RPSA: variants seen among roughly 807,000 people sequenced by gnomAD.
RPSA encodes the protein ribosomal protein SA.
For synonymous variants in RPSA, 103 were observed against 126.7 expected (o/e 0.81, Z 1.25); for missense variants, 140 against 372.8 (o/e 0.38, Z 5.14).
chr3:39,409,248 CTGGACTG>C (rs747406200), intron 3 of RPSA, among the ~76,000 whole-genome samples: 1 of 87,606 alleles, frequency 1.1e-5, no homozygotes, highest in East Asian at 5.1e-4. Flanking sequence ...GTTGTCCATC[CTGGACTG>C]CAGTGGTGTG....
intron 4 of RPSA, chr3:39,411,337 G>C (rs1363310185): frequency 1.7e-6 from 1 of 595,138 alleles, no homozygotes; most frequent in Non-Finnish European, 3.1e-6. Context: ...AACTTGATGG[G>C]TTCTACTATA....
rs1293833554 is a variant in RPSA at position 39,407,624 on chromosome 3, C to A, written c.-30C>A. ...ATAGGTTGCTCTCTTATTTCAGATT[C>A]CCGTCGTAACTTAAAGGGAAATTTT... On this transcript the variant is annotated 5_prime_UTR_variant, in exon 2 of 7. Coordinates refer to ENST00000301821, the MANE Select transcript of RPSA (RefSeq NM_002295.6). 7 of 1,590,544 alleles carry A rather than the reference C, an allele frequency of 4.4e-6. No homozygotes were observed. Among genetic ancestry groups the A allele is most frequent in the Non-Finnish European group, 4.3e-6 (5 of 1,173,496 alleles).
chr3:39,410,335 T>G (rs78123694), intron 3 of RPSA: 2,664 of 201,944 alleles, frequency 0.013, 82 homozygotes, highest in African/African-American at 0.055. Flanking sequence ...GTAGTAAGAC[T>G]TTATTTCAAT....
chr3:39,410,392 T>C (rs72867448), intron 3 of RPSA: 3,330 of 291,508 alleles, frequency 0.011, 118 homozygotes, highest in African/African-American at 0.066. Flanking sequence ...GGGTTATTCC[T>C]GAAACTGACT....
chr3:39,408,906 GA>G, intron 3 of RPSA, 182 bp downstream of exon 3: 1 of 558,478 alleles, frequency 1.8e-6, no homozygotes, highest in Non-Finnish European at 3.2e-6. Context: ...ACACCACGGT[GA>G]AGCCCCATCT....
At chr3:39,407,531 C>T in intron 1 of RPSA, 90 bp from the exon 2 acceptor site, 2 of 908,068 alleles carry the variant, frequency 2.2e-6, no homozygotes, top group Non-Finnish European at 3.6e-6. Context: ...ATGCCTGACA[C>T]TATAGCAGAT....
In RPSA at chr3:39,408,714, A is replaced by G. The variant is rs1352088791; in HGVS notation, c.242A>G (p.Asn81Ser). 2 of 1,559,896 alleles carry G rather than the reference A, an allele frequency of 1.3e-6. No homozygotes were observed. The change falls in exon 3 of 7, where the codon AAT becomes AGT. Residue 81 changes from asparagine (N) to serine (S), a missense_variant. Coordinates refer to ENST00000301821, the MANE Select transcript of RPSA (RefSeq NM_002295.6). The stretch of plus-strand genomic sequence containing the variant: ...GATGTCAGTGTTATATCCTCCAGGA[A>G]TACTGGCCAGGTTTGTGGAACAGTG... The part of the protein sequence containing the change: ...PADVSVISSR[N>S]TGQRAVLKFA...
Position 39,412,276 on chromosome 3 carries a change from G to T in RPSA, c.796G>T (p.Asp266Tyr). Residue 266 changes from aspartate (D) to tyrosine (Y), a missense_variant and splice_region_variant, in exon 7 of 7, where the codon GAC becomes TAC. Coordinates refer to ENST00000301821, the MANE Select transcript of RPSA (RefSeq NM_002295.6). ...TTTTTTTGGTATTCTCTTAACAGAA[G>T]ACTGGAGCGCTCAGCCTGCCACGGA... is the stretch of plus-strand genomic sequence containing the variant. ...SVPIQQFPTE[D>Y]WSAQPATEDW... The T allele has an allele frequency of 6.2e-7, 1 of 1,610,480 alleles. No individual in the cohort carries two copies. The highest frequency in any genetic ancestry group is 8.5e-7 in the Non-Finnish European group (1 of 1,176,844).
chr3:39,407,869 A>G, intron 2 of RPSA, 83 bp downstream of exon 2: 1 of 1,055,328 alleles, frequency 9.5e-7, no homozygotes, highest in Non-Finnish European at 1.4e-6. Flanking sequence ...GTTCTGGGTA[A>G]TTTCTTTCTA....
At chr3:39,408,316 A>G (rs2041950765) in intron 2 of RPSA, 1 of 564,628 alleles carries the variant, frequency 1.8e-6, no homozygotes, top group South Asian at 1.6e-5. Flanking sequence ...CAGGAAGTGG[A>G]TTATTAAGAA....
intron 2 of RPSA, 117 bp from the exon 3 acceptor site, chr3:39,408,489 A>C: frequency 1.3e-6 from 1 of 787,746 alleles, no homozygotes; most frequent in Non-Finnish European, 2.4e-6. Context: ...CGCTAACACC[A>C]GTAGAGCTTG....
Position 39,407,608 on chromosome 3 carries a change from T to C in RPSA, c.-33-13T>C. On this transcript the variant is annotated splice_polypyrimidine_tract_variant and intron_variant, in intron 1 of 6. Coordinates refer to ENST00000301821, the MANE Select transcript of RPSA (RefSeq NM_002295.6). ...AATGGAATGAAAAGAAATAGGTTGC[T>C]CTCTTATTTCAGATTCCCGTCGTAA... 1.9e-6 allele frequency: 3 copies of C among 1,582,596 alleles called. No individual in the cohort carries two copies. The highest frequency in any genetic ancestry group is 1.1e-5 in the South Asian group (1 of 90,754).
At chr3:39,408,535 CAT>C in intron 2 of RPSA, 69 bp from the exon 3 acceptor site, 1 of 925,678 alleles carries the variant, frequency 1.1e-6, no homozygotes. Flanking sequence ...CTCGCTGCCA[CAT>C]AGAGTAAACT....
In RPSA at chr3:39,412,039, G is replaced by A. The variant is rs191245497; in HGVS notation, c.771G>A (p.Val257=). Residue 257 remains valine, a synonymous_variant, in exon 6 of 7, where the codon GTG becomes GTA. Coordinates refer to ENST00000301821, the MANE Select transcript of RPSA (RefSeq NM_002295.6). ...CTGAAGGTGTACAGGTGCCCTCTGTGCCTATTCAGCAATTCCCTACTGGTA... is the reference window on the plus strand; with the variant it reads ...CTGAAGGTGTACAGGTGCCCTCTGTACCTATTCAGCAATTCCCTACTGGTA... The part of the protein sequence containing the change: ...DWSEGVQVPS[V]PIQQFPTEDW... The A allele has an allele frequency of 2.5e-6, 4 of 1,610,612 alleles. No individual in the cohort carries two copies.
intron 1 of RPSA, 33 bp downstream of exon 1, chr3:39,406,797 A>C (rs1246069630): frequency 2.2e-6 from 1 of 451,502 alleles, no homozygotes; most frequent in Admixed American, 2.4e-5. Flanking sequence ...GGCGCCTTCC[A>C]GGGCTAGAAA....
intron 4 of RPSA, chr3:39,411,231 G>C (rs1175258437): frequency 4.1e-6 from 3 of 734,488 alleles, no homozygotes; most frequent in Admixed American, 1.7e-5. Context: ...TGACAGCTTT[G>C]TGGAGAAATG....
At position 39,408,825 on chromosome 3, in the gene RPSA, C is replaced by G. The variant is rs181720616; in HGVS notation, c.252+101C>G. 1.6e-3 allele frequency: 1,329 copies of G among 805,522 alleles called. 2 individuals carry two copies. The highest frequency in any genetic ancestry group is 2.3e-3 in the Admixed American group (133 of 56,942). The allele number at this position is 805,522 out of a possible 1,614,324, so 49.9% of individuals were successfully genotyped here. On this transcript the variant is annotated intron_variant, in intron 3 of 6. Transcript: ENST00000301821. ...GAAAACAGAAATAACTCAGGCCGGG[C>G]GCGGTGGCTACGCCTGTAATCCCAG... is the stretch of plus-strand genomic sequence containing the variant.
intron 3 of RPSA, 70 bp from the exon 4 acceptor site, chr3:39,410,684 A>G (rs2041993079): frequency 6.3e-7 from 1 of 1,587,040 alleles, no homozygotes; most frequent in Non-Finnish European, 8.7e-7. Context: ...CAGTGCCCAG[A>G]AGTGCTTACT....
At position 39,412,206 on chromosome 3, in the gene RPSA, G is replaced by T. The variant is rs7635671; in HGVS notation, c.794-68G>T. The T allele has an allele frequency of 3.1e-5, 42 of 1,368,400 alleles. No homozygotes were observed. The African/African-American group carries it at 5.4e-4, about 18-fold the overall frequency. The allele number at this position is 1,368,400 out of a possible 1,614,324, so 84.8% of individuals were successfully genotyped here. A position where few individuals can be genotyped will look rare whatever the true frequency, so the allele number is the denominator to read the frequency against. On this transcript the variant is annotated intron_variant, in intron 6 of 6. Coordinates refer to ENST00000301821, the MANE Select transcript of RPSA (RefSeq NM_002295.6). Reference sequence around the variant, plus strand: ...ACAGCATCTGATAGACTGCTGTTGGGAGTGGGGTAAGGAAAAATACTACAT... The same window carrying T: ...ACAGCATCTGATAGACTGCTGTTGGTAGTGGGGTAAGGAAAAATACTACAT...
Sources: allele counts gnomAD v4.1 joint callset (sites outside exome capture counted in the v4.1 genomes callset), GRCh38; gene constraint gnomAD v4.1.1; transcripts MANE v1.5; gene names NCBI Gene and HGNC (gene_info 2026-07-23, HGNC 2026-07-21).